PSMD14: variants seen among roughly 807,000 people sequenced by gnomAD.
PSMD14 encodes the protein ubiquitin C-terminal hydrolase PSMD14.
In PSMD14, 7 loss-of-function variants were observed where a neutral mutation model predicts 41.2. That is an observed-to-expected ratio of 0.17 (90% CI 0.10 to 0.32). PSMD14 has a LOEUF of 0.32. Ranked by LOEUF, PSMD14 falls within the 10% of genes least tolerant of loss-of-function variation. The pLI, the probability that PSMD14 is intolerant of heterozygous loss-of-function variation, is 1.00. For synonymous variants in PSMD14, 114 were observed against 122.3 expected (o/e 0.93, Z 0.45); for missense variants, 139 against 375.6 (o/e 0.37, Z 5.21).
At chr2:161,366,894 GCTATAC>G (rs1023057096) in intron 3 of PSMD14, among the ~76,000 whole-genome samples, 4 of 152,284 alleles carry the variant, frequency 2.6e-5, no homozygotes, top group African/African-American at 9.6e-5. Context: ...TTTCACGTCA[GCTATAC>G]CTGTCTCAAC....
intron 1 of PSMD14, among the ~76,000 whole-genome samples, chr2:161,313,749 A>G (rs1168671417): frequency 6.6e-6 from 1 of 152,226 alleles, no homozygotes; most frequent in Non-Finnish European, 1.5e-5. Flanking sequence ...TGAACTGCTC[A>G]TCAGCCATCA....
At chr2:161,333,957 G>A (rs1209220477) in intron 3 of PSMD14, among the ~76,000 whole-genome samples, 6 of 152,208 alleles carry the variant, frequency 3.9e-5, no homozygotes, top group Middle Eastern at 3.4e-3. Context: ...CCTGCACCTG[G>A]GAGGTGGAGG....
At chr2:161,311,996 C>A (rs186238690) in intron 1 of PSMD14, among the ~76,000 whole-genome samples, 3 of 152,024 alleles carry the variant, frequency 2.0e-5, no homozygotes, top group African/African-American at 7.2e-5. Flanking sequence ...GACTCACTCA[C>A]GATCTTCCAC....
chr2:161,364,939 A>C (rs1483013727), intron 3 of PSMD14, among the ~76,000 whole-genome samples: 11 of 152,038 alleles, frequency 7.2e-5, no homozygotes, highest in Admixed American at 7.2e-4. Context: ...CCCCATCCCT[A>C]CTAAAATACA....
intron 3 of PSMD14, among the ~76,000 whole-genome samples, chr2:161,336,291 A>G (rs907292679): frequency 6.6e-6 from 1 of 152,226 alleles, no homozygotes; most frequent in Non-Finnish European, 1.5e-5. Context: ...GTCAGCTGAT[A>G]GTTAAATTTA....
chr2:161,325,480 T>G (rs1303182454), intron 3 of PSMD14, among the ~76,000 whole-genome samples: 2 of 152,160 alleles, frequency 1.3e-5, no homozygotes, highest in Non-Finnish European at 2.9e-5. Context: ...GGTCTAATGT[T>G]TGGTAGAGAA....
At chr2:161,368,452 G>A (rs1052154207) in intron 5 of PSMD14, among the ~76,000 whole-genome samples, 4 of 152,060 alleles carry the variant, frequency 2.6e-5, no homozygotes, top group South Asian at 2.1e-4. Flanking sequence ...TATATGCACC[G>A]TACTCCATAC....
intron 3 of PSMD14, among the ~76,000 whole-genome samples, chr2:161,350,095 A>T (rs745691778): frequency 6.6e-6 from 1 of 152,204 alleles, no homozygotes; most frequent in Non-Finnish European, 1.5e-5. Flanking sequence ...AAATGTTGGT[A>T]TGTTTAGTAA....
At chr2:161,397,120 G>A (rs777010327) in intron 10 of PSMD14, among the ~76,000 whole-genome samples, 3 of 152,094 alleles carry the variant, frequency 2.0e-5, no homozygotes, top group Non-Finnish European at 1.5e-5. Flanking sequence ...ATGAGCCACC[G>A]TGCCTGGCCT....
chr2:161,365,003 G>T (rs1683339775), intron 3 of PSMD14, among the ~76,000 whole-genome samples: 1 of 152,122 alleles, frequency 6.6e-6, no homozygotes, highest in Admixed American at 6.6e-5. Flanking sequence ...ACCTCAGGAG[G>T]CTGAGACAGG....
chr2:161,385,588 A>C lies in PSMD14; in HGVS notation c.570+17A>C, dbSNP rs1683623841. 1 of 1,486,842 alleles carries C rather than the reference A, an allele frequency of 6.7e-7. No individual in the cohort carries two copies. The highest frequency in any genetic ancestry group is 1.7e-4 in the Middle Eastern group (1 of 5,816). The allele number at this position is 1,486,842 out of a possible 1,614,324, so 92.1% of individuals were successfully genotyped here. On this transcript the variant is annotated intron_variant, in intron 8 of 11. Transcript: ENST00000409682. ...TCTATCCAGGTATTGCCTATATTTGATAATGTGTTAAAACTCTTTTAAATT... is the reference window on the plus strand; with the variant it reads ...TCTATCCAGGTATTGCCTATATTTGCTAATGTGTTAAAACTCTTTTAAATT...
chr2:161,341,890 TTG>T, intron 3 of PSMD14, among the ~76,000 whole-genome samples: 1 of 149,460 alleles, frequency 6.7e-6, no homozygotes, highest in Non-Finnish European at 1.5e-5. Flanking sequence ...ATATATAAAT[TTG>T]TGTTATAAAT....
chr2:161,387,773 T>A (rs756621275), intron 8 of PSMD14, among the ~76,000 whole-genome samples: 1 of 151,950 alleles, frequency 6.6e-6, no homozygotes, highest in Non-Finnish European at 1.5e-5. Flanking sequence ...ATTTCTTAAA[T>A]TTTTTTACAG....
intron 3 of PSMD14, among the ~76,000 whole-genome samples, chr2:161,363,945 C>A (rs1683324655): frequency 6.6e-6 from 1 of 152,184 alleles, no homozygotes; most frequent in South Asian, 2.1e-4. Flanking sequence ...CTCAATTAGA[C>A]CCCCTGCCTT....
At chr2:161,363,890 G>T (rs1020207118) in intron 3 of PSMD14, among the ~76,000 whole-genome samples, 2 of 152,166 alleles carry the variant, frequency 1.3e-5, no homozygotes, top group African/African-American at 4.8e-5. Context: ...GTGTTATAGG[G>T]TGCTCTTTTA....
intron 3 of PSMD14, among the ~76,000 whole-genome samples, chr2:161,335,163 T>C (rs983833908): frequency 8.5e-5 from 13 of 152,206 alleles, no homozygotes; most frequent in Admixed American, 2.0e-4. Flanking sequence ...GTATATGACA[T>C]GTTACTTCAG....
chr2:161,404,028 C>T lies in PSMD14; in HGVS notation c.772-4809C>T, dbSNP rs369734569. Among the ~76,000 whole-genome samples the T allele has an allele frequency of 2.0e-5, 3 of 151,872 alleles. No homozygotes were observed. The East Asian group carries it at 5.8e-4, about 29-fold the overall frequency. ...TTAAGCAGTACTCTTGCCTCAGCCT[C>T]CTGAGTAGCTAGGACTCCAAGCACT... On this transcript the variant is annotated intron_variant, in intron 10 of 11. Transcript: ENST00000409682.
intron 7 of PSMD14, among the ~76,000 whole-genome samples, chr2:161,379,305 G>A (rs1683544219): frequency 6.6e-6 from 1 of 151,928 alleles, no homozygotes; most frequent in Non-Finnish European, 1.5e-5. Context: ...AGTGCCCTGA[G>A]GAGTTCAATT....
intron 7 of PSMD14, chr2:161,384,961 G>C (rs766120877): frequency 2.0e-5 from 3 of 151,832 alleles, no homozygotes; most frequent in Non-Finnish European, 4.4e-5. Context: ...AGAAGTAAAA[G>C]GTATCTGACT....
Sources: allele counts gnomAD v4.1 joint callset (sites outside exome capture counted in the v4.1 genomes callset), GRCh38; gene constraint gnomAD v4.1.1; transcripts MANE v1.5; gene names NCBI Gene and HGNC (gene_info 2026-07-23, HGNC 2026-07-21).